DIAPH2: variants seen among roughly 807,000 people sequenced by gnomAD.
DIAPH2 encodes protein diaphanous homolog 2.
In DIAPH2, 35 loss-of-function variants were observed where a neutral mutation model predicts 92.7. That is an observed-to-expected ratio of 0.38 (90% confidence interval 0.29 to 0.50). DIAPH2 has a LOEUF of 0.50. DIAPH2 is among the 20% of genes least tolerant of loss of function. DIAPH2 has a pLI of 0.94. For synonymous variants in DIAPH2, 301 were observed against 280.4 expected, an observed-to-expected ratio of 1.07 and a Z score of -0.73; for missense variants, 701 against 819.5, an observed-to-expected ratio of 0.86 and a Z score of 1.77.
intron 23 of DIAPH2, among the ~76,000 whole-genome samples, chrX:97,341,868 G>A (rs1269830309): frequency 3.6e-5 from 4 of 111,706 alleles, no homozygotes; most frequent in East Asian, 2.8e-4. Context: ...TGATTCACAT[G>A]CAAATTCTTC....
At chrX:97,400,766 G>A (rs965801438) in intron 25 of DIAPH2, among the ~76,000 whole-genome samples, 2 of 111,806 alleles carry the variant, frequency 1.8e-5, no homozygotes, top group Non-Finnish European at 3.8e-5. Flanking sequence ...AGATCATGCA[G>A]TATTTGTTTT....
At chrX:96,831,806 A>G (rs1297077885) in intron 4 of DIAPH2, among the ~76,000 whole-genome samples, 1 of 111,697 alleles carries the variant, frequency 9.0e-6, no homozygotes, top group Admixed American at 9.6e-5. Context: ...CTCATGTTAC[A>G]TATCTATTAT....
intron 11 of DIAPH2, among the ~76,000 whole-genome samples, chrX:96,937,896 G>T (rs1431633664): frequency 1.8e-5 from 2 of 111,715 alleles, no homozygotes; most frequent in East Asian, 2.8e-4. Flanking sequence ...CCTTCCGACG[G>T]CAGCAATTTT....
chrX:96,938,353 C>T (rs887737496), intron 11 of DIAPH2, among the ~76,000 whole-genome samples: 1 of 111,363 alleles, frequency 9.0e-6, no homozygotes, highest in African/African-American at 3.3e-5. Context: ...TCTACTGTGG[C>T]TTCTATAATA....
At chrX:97,233,521 G>T (rs142095074) in intron 22 of DIAPH2, among the ~76,000 whole-genome samples, 1,495 of 112,004 alleles carry the variant, frequency 0.013, 34 homozygotes, top group African/African-American at 0.046. Context: ...GAATGTACTG[G>T]AGTATCATTT....
chrX:97,425,544 G>A (rs747116377), intron 25 of DIAPH2, among the ~76,000 whole-genome samples: 1 of 110,555 alleles, frequency 9.0e-6, no homozygotes, highest in African/African-American at 3.3e-5. Flanking sequence ...GGAGGCTGAG[G>A]TTGGCTGATC....
chrX:97,583,869 C>A (rs1203041983), intron 26 of DIAPH2, among the ~76,000 whole-genome samples: 1 of 112,526 alleles, frequency 8.9e-6, no homozygotes, highest in East Asian at 2.8e-4. Flanking sequence ...GGGATATAAT[C>A]TCGTGGTGCG....
chrX:97,396,530 G>T (rs1315115694), intron 25 of DIAPH2, among the ~76,000 whole-genome samples: 4 of 110,759 alleles, frequency 3.6e-5, no homozygotes, highest in Non-Finnish European at 7.6e-5. Flanking sequence ...AAATTAGCTG[G>T]GTATGGTGGC....
intron 22 of DIAPH2, among the ~76,000 whole-genome samples, chrX:97,178,948 A>G (rs756223285): frequency 1.5e-4 from 17 of 111,441 alleles, no homozygotes; most frequent in Non-Finnish European, 1.7e-4. Context: ...TCTTGGAAGC[A>G]GAGTAGCCCT....
At chrX:97,599,185 T>TAAC in intron 26 of DIAPH2, 68 bp from the exon 27 acceptor site, 2 of 778,751 alleles carry the variant, frequency 2.6e-6, no homozygotes, top group South Asian at 2.5e-5. Context: ...TTTCTCAACC[T>TAAC]AACATCATGT....
In DIAPH2 at chrX:97,075,267, T is replaced by C; in HGVS notation, c.2247+6T>C. 9 of 1,121,060 alleles carry C rather than the reference T, an allele frequency of 8.0e-6. No homozygotes were observed. The highest frequency in any genetic ancestry group is 1.1e-5 in the Non-Finnish European group (9 of 831,380). The allele number at this position is 1,121,060 out of a possible 1,213,427, so 92.4% of individuals were successfully genotyped here. A position where few individuals can be genotyped will look rare whatever the true frequency, so the allele number is the denominator to read the frequency against. On this transcript the variant is annotated splice_donor_region_variant and intron_variant, in intron 19 of 26. Coordinates refer to ENST00000324765, the MANE Select transcript of DIAPH2 (RefSeq NM_006729.5). Reference sequence around the variant, plus strand: ...TGAGTGAGGCTTTAATTCAGGTAACTTGGATATTTTCCTTTTGAAATTCAT... The same window carrying C: ...TGAGTGAGGCTTTAATTCAGGTAACCTGGATATTTTCCTTTTGAAATTCAT...
chrX:96,703,768 T>G (rs1177319207), intron 1 of DIAPH2, among the ~76,000 whole-genome samples: 1 of 112,082 alleles, frequency 8.9e-6, no homozygotes, highest in Non-Finnish European at 1.9e-5. Context: ...GAATTTTTTT[T>G]CCGTTTGCAT....
intron 14 of DIAPH2, among the ~76,000 whole-genome samples, chrX:96,946,799 T>G (rs1327972192): frequency 9.0e-6 from 1 of 111,688 alleles, no homozygotes; most frequent in Non-Finnish European, 1.9e-5. Flanking sequence ...AAAGTTTTTT[T>G]GTGAGCATAT....
At chrX:97,279,909 A>G (rs1044577942) in intron 23 of DIAPH2, among the ~76,000 whole-genome samples, 1 of 111,711 alleles carries the variant, frequency 9.0e-6, no homozygotes, top group Middle Eastern at 4.2e-3. Flanking sequence ...GTTGCAGTTA[A>G]AGTGGATTCC....
intron 17 of DIAPH2, among the ~76,000 whole-genome samples, chrX:97,021,261 G>T (rs2066295695): frequency 9.0e-6 from 1 of 111,405 alleles, no homozygotes; most frequent in Admixed American, 9.5e-5. Context: ...GCAGTGGCAC[G>T]ATTACAGCTC....
At chrX:97,282,011 G>A (rs2068501617) in intron 23 of DIAPH2, among the ~76,000 whole-genome samples, 2 of 110,106 alleles carry the variant, frequency 1.8e-5, no homozygotes, top group Non-Finnish European at 3.8e-5. Flanking sequence ...GTCAACACTG[G>A]TATGTTGCTT....
At chrX:97,231,795 T>C (rs2068011394) in intron 22 of DIAPH2, among the ~76,000 whole-genome samples, 1 of 110,896 alleles carries the variant, frequency 9.0e-6, no homozygotes, top group Non-Finnish European at 1.9e-5. Flanking sequence ...TCATACCCTC[T>C]TCCACAGACC....
chrX:96,882,973 A>AAAAAC (rs2065226739), intron 5 of DIAPH2, among the ~76,000 whole-genome samples: 1 of 53,518 alleles, frequency 1.9e-5, no homozygotes, highest in East Asian at 5.2e-4. Flanking sequence ...AAAAAAAAAA[A>AAAAAC]AAAAAAAAAA....
Position 97,374,314 on chromosome X carries a change from G to A in DIAPH2, c.3010-9595G>A, listed in dbSNP as rs781374872. ...TACCTATGGTCTGTTATACTTCTGT[G>A]TTTCATACCATATTTACACAGGTTA... is the stretch of plus-strand genomic sequence containing the variant. On this transcript the variant is annotated intron_variant, in intron 24 of 26. Coordinates refer to ENST00000324765, the MANE Select transcript of DIAPH2 (RefSeq NM_006729.5). Among the ~76,000 whole-genome samples, 3 of 111,675 alleles carry A rather than the reference G, an allele frequency of 2.7e-5. No individual in the cohort carries two copies. The South Asian group carries it at 1.1e-3, about 42-fold the overall frequency.
Sources: gnomAD v4.1 joint callset for allele counts (sites outside exome capture counted in the v4.1 genomes callset) on GRCh38, gnomAD v4.1.1 for gene constraint, MANE v1.5 for transcripts, NCBI Gene and HGNC (gene_info 2026-07-23, HGNC 2026-07-21) for gene names.